Variants in MRPL1 observed in about 807,000 individuals in gnomAD.
The protein encoded by MRPL1 is mitochondrial ribosomal protein L1, also known as large ribosomal subunit protein uL1m.
In MRPL1, 28 loss-of-function variants were observed where a neutral mutation model predicts 38.0. The observed-to-expected ratio is 0.74, with a 90% CI of 0.55 to 1.01. The LOEUF (loss-of-function observed/expected upper bound fraction) is 1.01, where lower values mean the gene tolerates loss of function less well. Ranked by LOEUF, MRPL1 falls within the 50% of genes least tolerant of loss-of-function variation. The pLI, the probability that MRPL1 is intolerant of heterozygous loss-of-function variation, is 0.00. For missense variants in MRPL1, 358 were observed against 389.8 expected (o/e 0.92, Z 0.69); for synonymous variants, 123 against 126.7 (o/e 0.97, Z 0.20).
intron 7 of MRPL1, among the ~76,000 whole-genome samples, chr4:77,927,940 T>C (rs1736754817): frequency 6.6e-6 from 1 of 152,208 alleles, no homozygotes; most frequent in South Asian, 2.1e-4. Flanking sequence ...CAAGGCCTGA[T>C]TTAACAAGTA....
At chr4:77,878,648 G>A (rs547171556) in intron 2 of MRPL1, among the ~76,000 whole-genome samples, 4 of 152,204 alleles carry the variant, frequency 2.6e-5, no homozygotes, top group African/African-American at 9.6e-5. Context: ...GGGAGGCCGA[G>A]GCGGGCAGAT....
intron 7 of MRPL1, among the ~76,000 whole-genome samples, chr4:77,933,924 T>C (rs762980618): frequency 6.6e-6 from 1 of 152,192 alleles, no homozygotes; most frequent in Non-Finnish European, 1.5e-5. Context: ...CACAGATATC[T>C]GAACACAAAT....
intron 1 of MRPL1, chr4:77,863,105 A>G (rs1159642601): frequency 1.4e-5 from 8 of 581,814 alleles, no homozygotes; most frequent in African/African-American, 3.8e-5. Context: ...AGCGGGACGT[A>G]CATCGAGCGC....
chr4:77,900,197 T>C (rs1736003111), intron 6 of MRPL1, among the ~76,000 whole-genome samples: 1 of 152,224 alleles, frequency 6.6e-6, no homozygotes, highest in South Asian at 2.1e-4. Flanking sequence ...CTATTCTTTT[T>C]CATGTATTTA....
intron 7 of MRPL1, among the ~76,000 whole-genome samples, chr4:77,911,317 G>C (rs1560468021): frequency 6.6e-6 from 1 of 152,086 alleles, no homozygotes. Context: ...TCCTGACTCA[G>C]AATATAAGAA....
At chr4:77,924,042 T>C (rs1736651429) in intron 7 of MRPL1, among the ~76,000 whole-genome samples, 2 of 152,078 alleles carry the variant, frequency 1.3e-5, no homozygotes, top group Admixed American at 1.3e-4. Context: ...ACTTATTATA[T>C]GCAATGCAGT....
chr4:77,874,022 G>A (rs1190476766), intron 2 of MRPL1, among the ~76,000 whole-genome samples: 2 of 142,372 alleles, frequency 1.4e-5, no homozygotes, highest in East Asian at 4.2e-4. Context: ...TTTTTGAGAT[G>A]GATTCTTGCA....
chr4:77,880,002 C>CT (rs1350982115), intron 2 of MRPL1, among the ~76,000 whole-genome samples: 3 of 152,018 alleles, frequency 2.0e-5, no homozygotes, highest in Non-Finnish European at 4.4e-5. Context: ...TTTTTGAGGT[C>CT]TTTTTTAAAA....
At chr4:77,945,392 T>G (rs1349216632) in intron 7 of MRPL1, among the ~76,000 whole-genome samples, 7 of 151,996 alleles carry the variant, frequency 4.6e-5, no homozygotes, top group African/African-American at 1.2e-4. Flanking sequence ...TCTCTTCAGT[T>G]TTCAGTCAAA....
intron 6 of MRPL1, among the ~76,000 whole-genome samples, chr4:77,904,011 C>G (rs1162781967): frequency 6.6e-6 from 1 of 151,682 alleles, no homozygotes. Flanking sequence ...TTTGGGAGGC[C>G]GAGGCAGGAC....
At chr4:77,895,458 A>C (rs575037745) in intron 6 of MRPL1, among the ~76,000 whole-genome samples, 1 of 152,198 alleles carries the variant, frequency 6.6e-6, no homozygotes, top group South Asian at 2.1e-4. Flanking sequence ...CAGGGAGTAC[A>C]ATTGGGAGGA....
chr4:77,905,149 T>C (rs1736124211), intron 6 of MRPL1, among the ~76,000 whole-genome samples: 1 of 152,136 alleles, frequency 6.6e-6, no homozygotes, highest in Non-Finnish European at 1.5e-5. Flanking sequence ...TCAGTAAGAC[T>C]GTCAACCTAA....
chr4:77,915,436 G>GT (rs1462518331), intron 7 of MRPL1, among the ~76,000 whole-genome samples: 1 of 152,074 alleles, frequency 6.6e-6, no homozygotes, highest in African/African-American at 2.4e-5. Context: ...CTCTTTGCTT[G>GT]TTTTTTAGAT....
At chr4:77,874,821 G>A (rs538799710) in intron 2 of MRPL1, among the ~76,000 whole-genome samples, 326 of 137,276 alleles carry the variant, frequency 2.4e-3, no homozygotes, top group Admixed American at 6.2e-3. Context: ...TGCTCTTGTC[G>A]CCCAGGCTGG....
intron 7 of MRPL1, among the ~76,000 whole-genome samples, chr4:77,946,334 T>C (rs1737269207): frequency 6.6e-6 from 1 of 152,168 alleles, no homozygotes; most frequent in African/African-American, 2.4e-5. Flanking sequence ...TGTTATTCTG[T>C]TCTTTTTGAA....
intron 1 of MRPL1, among the ~76,000 whole-genome samples, chr4:77,867,087 A>G (rs1025659218): frequency 6.6e-6 from 1 of 151,974 alleles, no homozygotes; most frequent in Non-Finnish European, 1.5e-5. Flanking sequence ...TAACCACTAT[A>G]CTTAAAATTG....
intron 7 of MRPL1, among the ~76,000 whole-genome samples, chr4:77,940,089 G>A (rs895091573): frequency 1.3e-5 from 2 of 152,016 alleles, no homozygotes; most frequent in African/African-American, 4.8e-5. Context: ...AATGATGTCG[G>A]TATTTTGATA....
intron 4 of MRPL1, among the ~76,000 whole-genome samples, chr4:77,886,640 C>A (rs1384147081): frequency 6.6e-6 from 1 of 151,730 alleles, no homozygotes; most frequent in Non-Finnish European, 1.5e-5. Context: ...GCCTGGCAGG[C>A]TAATTTTTAA....
intron 5 of MRPL1, among the ~76,000 whole-genome samples, chr4:77,893,170 C>T (rs1285204188): frequency 6.6e-6 from 1 of 152,178 alleles, no homozygotes; most frequent in African/African-American, 2.4e-5. Flanking sequence ...CTTGCTTGGG[C>T]AGTGGCACGA....
Sources: allele counts gnomAD v4.1 joint callset (sites outside exome capture counted in the v4.1 genomes callset), GRCh38; gene constraint gnomAD v4.1.1; transcripts MANE v1.5; gene names NCBI Gene and HGNC (gene_info 2026-07-23, HGNC 2026-07-21).